GNA14: variants seen among roughly 807,000 people sequenced by gnomAD.
GNA14 encodes the protein guanine nucleotide-binding protein subunit alpha-14.
In GNA14, 50 loss-of-function variants were observed where a neutral mutation model predicts 42.0. The observed-to-expected ratio is 1.19, with a 90% CI of 0.95 to 1.51. The LOEUF is 1.51. Among genes scored for constraint, GNA14 ranks in the 40% most tolerant of loss-of-function variants. GNA14 has a pLI of 0.00. For missense variants in GNA14, 473 were observed against 446.2 expected, an observed-to-expected ratio of 1.06 and a Z score of -0.54; for synonymous variants, 173 against 163.1, an observed-to-expected ratio of 1.06 and a Z score of -0.46.
intron 2 of GNA14, among the ~76,000 whole-genome samples, chr9:77,451,060 T>C (rs563021181): frequency 5.3e-5 from 8 of 152,286 alleles, no homozygotes; most frequent in Admixed American, 5.2e-4. Flanking sequence ...TATAGCAGCA[T>C]GAGAACAGAC....
chr9:77,425,289 G>A (rs1835436194), intron 6 of GNA14, among the ~76,000 whole-genome samples: 1 of 152,154 alleles, frequency 6.6e-6, no homozygotes, highest in Non-Finnish European at 1.5e-5. Context: ...TCCCAGAGAA[G>A]GGGAGGCCTT....
In GNA14 at chr9:77,533,982, T is replaced by C. The variant is rs142916463; in HGVS notation, c.125-4729A>G. On this transcript the variant is annotated intron_variant, in intron 1 of 6. Transcript: ENST00000341700. ...ATTTCCCAAACCTCAATTATCTGTG[T>C]ACCAACCTTGTGATTTTTCTCATAC... Among the ~76,000 whole-genome samples, 9 of 152,330 alleles carry C rather than the reference T, an allele frequency of 5.9e-5. No homozygotes were observed. In the East Asian group the frequency reaches 1.7e-3, roughly 29 times the overall value.
chr9:77,424,846 C>T (rs551852819), intron 6 of GNA14, among the ~76,000 whole-genome samples: 37 of 152,104 alleles, frequency 2.4e-4, no homozygotes, highest in African/African-American at 7.0e-4. Context: ...TTTTAAAGCT[C>T]GAGGGTGCTA....
rs561987911 is a variant in GNA14, at chr9:77,617,884, T to C, written c.124+29786A>G. 3.9e-5 allele frequency among the ~76,000 whole-genome samples: 6 copies of C among 152,114 alleles called. No individual in the cohort carries two copies. In the East Asian group the frequency reaches 1.2e-3, roughly 29 times the overall value. ...TCTCTTAATCCAGTCTCCCCTCCAT[T>C]GTCACCCTTCAGAGAATTACTCCTG... On this transcript the variant is annotated intron_variant, in intron 1 of 6. Coordinates refer to ENST00000341700, the MANE Select transcript of GNA14 (RefSeq NM_004297.4).
chr9:77,631,746 C>G lies in GNA14; in HGVS notation c.124+15924G>C, dbSNP rs1824103238. On this transcript the variant is annotated intron_variant, in intron 1 of 6. Coordinates refer to ENST00000341700, the MANE Select transcript of GNA14 (RefSeq NM_004297.4). ...TTAGGCCCTTCTACTATTTGAAGTTCAAGTATTCTTTCTTTATGCAATAAT... is the reference window on the plus strand; with the variant it reads ...TTAGGCCCTTCTACTATTTGAAGTTGAAGTATTCTTTCTTTATGCAATAAT... Among the ~76,000 whole-genome samples the G allele has an allele frequency of 2.0e-5, 3 of 151,866 alleles. No homozygotes were observed. The South Asian group carries it at 6.2e-4, about 32-fold the overall frequency.
intron 2 of GNA14, among the ~76,000 whole-genome samples, chr9:77,491,973 T>C (rs929028145): frequency 1.3e-5 from 2 of 152,114 alleles, no homozygotes; most frequent in Non-Finnish European, 2.9e-5. Flanking sequence ...CTGACCATGA[T>C]GGAATAAAAC....
chr9:77,431,184 C>G (rs1835546084), intron 4 of GNA14, 137 bp downstream of exon 4: 2 of 759,016 alleles, frequency 2.6e-6, no homozygotes, highest in African/African-American at 1.7e-5. Flanking sequence ...TACCACAATT[C>G]TAAATACCCT....
chr9:77,567,600 C>T (rs982892665), intron 1 of GNA14, among the ~76,000 whole-genome samples: 1 of 152,206 alleles, frequency 6.6e-6, no homozygotes, highest in South Asian at 2.1e-4. Flanking sequence ...GGTGTGGTGG[C>T]TCACGCCTGT....
intron 2 of GNA14, among the ~76,000 whole-genome samples, chr9:77,480,823 G>A (rs1836538818): frequency 6.6e-6 from 1 of 152,154 alleles, no homozygotes; most frequent in Non-Finnish European, 1.5e-5. Flanking sequence ...AGATTTTCTA[G>A]TTTATTTGCA....
intron 1 of GNA14, among the ~76,000 whole-genome samples, chr9:77,615,109 T>C (rs1030346531): frequency 2.0e-5 from 3 of 152,222 alleles, no homozygotes; most frequent in African/African-American, 7.2e-5. Context: ...GCCTGTGGAA[T>C]CAAGGCACAT....
At chr9:77,581,002 GCACACACACACACACACACA>G (rs3052394) in intron 1 of GNA14, among the ~76,000 whole-genome samples, 30 of 144,398 alleles carry the variant, frequency 2.1e-4, no homozygotes, top group Middle Eastern at 7.2e-3. Context: ...TACAATAAAG[GCACACACACACACACACACA>G]CACACACACA....
intron 1 of GNA14, among the ~76,000 whole-genome samples, chr9:77,637,383 G>C (rs1298112087): frequency 6.6e-6 from 1 of 152,108 alleles, no homozygotes; most frequent in African/African-American, 2.4e-5. Context: ...CAGAGATCTG[G>C]CCCTAAAACC....
intron 2 of GNA14, among the ~76,000 whole-genome samples, chr9:77,493,020 A>ATATATATATAT (rs1466048683): frequency 6.2e-5 from 5 of 80,656 alleles, no homozygotes; most frequent in East Asian, 5.4e-4. Context: ...AAAAAAAAAA[A>ATATATATATAT]AAAAAAATAT....
chr9:77,594,802 A>G (rs567614887), intron 1 of GNA14, among the ~76,000 whole-genome samples: 5 of 152,328 alleles, frequency 3.3e-5, no homozygotes, highest in Non-Finnish European at 7.4e-5. Flanking sequence ...GTTTCTGGGC[A>G]ATGATAGGGC....
chr9:77,555,276 C>T (rs573555150), intron 1 of GNA14, among the ~76,000 whole-genome samples: 6 of 152,126 alleles, frequency 3.9e-5, no homozygotes, highest in African/African-American at 1.4e-4. Context: ...GAGGCTGAGG[C>T]GGGTGGATCA....
intron 2 of GNA14, among the ~76,000 whole-genome samples, chr9:77,481,329 G>C (rs989666543): frequency 6.6e-6 from 1 of 152,176 alleles, no homozygotes; most frequent in Non-Finnish European, 1.5e-5. Context: ...TCAGGAGCAG[G>C]TTGTTCAGTT....
rs1835410886 is a variant in GNA14 at position 77,423,791 on chromosome 9, C to T, written c.*188G>A. ...ATAAACACAATTTGGGATGTAAGGA[C>T]TTTTAAAGTATGTTGGTAAACTCAA... On this transcript the variant is annotated 3_prime_UTR_variant, in exon 7 of 7. Coordinates refer to ENST00000341700, the MANE Select transcript of GNA14 (RefSeq NM_004297.4). 1 of 379,290 alleles carries T rather than the reference C, an allele frequency of 2.6e-6. No individual in the cohort carries two copies. The allele number at this position is 379,290 out of a possible 1,614,324, so 23.5% of individuals were successfully genotyped here.
At chr9:77,443,200 C>T (rs1339178365) in intron 2 of GNA14, among the ~76,000 whole-genome samples, 1 of 152,154 alleles carries the variant, frequency 6.6e-6, no homozygotes, top group Non-Finnish European at 1.5e-5. Flanking sequence ...TTTGAATTTA[C>T]AGATACATTT....
chr9:77,458,250 C>A (rs1161723061), intron 2 of GNA14, among the ~76,000 whole-genome samples: 1 of 152,036 alleles, frequency 6.6e-6, no homozygotes, highest in Non-Finnish European at 1.5e-5. Flanking sequence ...TCAGCCATTA[C>A]CCACTTCTCT....
Sources: gnomAD v4.1 joint callset for allele counts (sites outside exome capture counted in the v4.1 genomes callset) on GRCh38, gnomAD v4.1.1 for gene constraint, MANE v1.5 for transcripts, NCBI Gene and HGNC (gene_info 2026-07-23, HGNC 2026-07-21) for gene names.